The following FYN variants were observed in gnomAD, a reference collection of about 807,000 sequenced individuals.
FYN encodes FYN proto-oncogene, Src family tyrosine kinase, also known as tyrosine-protein kinase Fyn.
In FYN, 10 loss-of-function variants were observed where a neutral mutation model predicts 70.2. The observed-to-expected ratio is 0.14, with a 90% CI of 0.09 to 0.24. The LOEUF is 0.24. FYN is among the 10% of genes least tolerant of loss of function. The probability of loss-of-function intolerance (pLI) is 1.00; values close to 1 mark genes in which losing one functional copy is unlikely to be tolerated. For synonymous variants in FYN, 236 were observed against 248.6 expected, an observed-to-expected ratio of 0.95 and a Z score of 0.48; for missense variants, 319 against 673.1, an observed-to-expected ratio of 0.47 and a Z score of 5.82.
chr6:111,717,331 C>G (rs980099842), intron 4 of FYN, among the ~76,000 whole-genome samples: 7 of 152,094 alleles, frequency 4.6e-5, no homozygotes, highest in African/African-American at 1.7e-4. Flanking sequence ...TTTTAAGCTG[C>G]TAAGTTTTGT....
At chr6:111,826,901 A>C (rs995918620) in intron 2 of FYN, among the ~76,000 whole-genome samples, 2 of 152,184 alleles carry the variant, frequency 1.3e-5, no homozygotes, top group Non-Finnish European at 2.9e-5. Context: ...TAAAATCACA[A>C]ACCTACAGAG....
At chr6:111,838,753 C>A (rs886409740) in intron 2 of FYN, among the ~76,000 whole-genome samples, 1 of 152,222 alleles carries the variant, frequency 6.6e-6, no homozygotes, top group Non-Finnish European at 1.5e-5. Context: ...CAGATAAAAT[C>A]TTGCTTTCAA....
At chr6:111,678,008 C>G (rs893139141) in intron 12 of FYN, among the ~76,000 whole-genome samples, 18 of 152,006 alleles carry the variant, frequency 1.2e-4, no homozygotes, top group African/African-American at 4.1e-4. Context: ...TCCATGTTTA[C>G]ATGAATTCAA....
At chr6:111,735,592 AAGC>A (rs1436939961) in intron 3 of FYN, among the ~76,000 whole-genome samples, 1 of 152,224 alleles carries the variant, frequency 6.6e-6, no homozygotes, top group Non-Finnish European at 1.5e-5. Context: ...ATCCAGTATT[AAGC>A]AGGAGTGAAA....
chr6:111,814,765 A>G (rs1345418796), intron 2 of FYN, among the ~76,000 whole-genome samples: 1 of 152,252 alleles, frequency 6.6e-6, no homozygotes, highest in African/African-American at 2.4e-5. Context: ...AGATGGCAAT[A>G]AAATAAAAAT....
intron 1 of FYN, among the ~76,000 whole-genome samples, chr6:111,847,570 G>C (rs933025599): frequency 1.3e-5 from 2 of 152,050 alleles, no homozygotes; most frequent in African/African-American, 4.8e-5. Flanking sequence ...AGACTCTTAA[G>C]CTTTTCAATG....
chr6:111,673,162 C>A (rs1337109888), intron 13 of FYN, among the ~76,000 whole-genome samples: 2 of 152,166 alleles, frequency 1.3e-5, no homozygotes, highest in Non-Finnish European at 1.5e-5. Context: ...CTGAGACCCG[C>A]ACATTTCCCC....
chr6:111,750,788 G>T (rs1290638506), intron 3 of FYN, among the ~76,000 whole-genome samples: 1 of 150,850 alleles, frequency 6.6e-6, no homozygotes, highest in Non-Finnish European at 1.5e-5. Flanking sequence ...TGAAACAAAG[G>T]GCATGCGTTC....
At chr6:111,801,777 T>C (rs1429444000) in intron 2 of FYN, among the ~76,000 whole-genome samples, 1 of 152,228 alleles carries the variant, frequency 6.6e-6, no homozygotes, top group African/African-American at 2.4e-5. Flanking sequence ...GACATACATA[T>C]ATATGGGTGT....
chr6:111,700,993 A>AC (rs927650300), intron 8 of FYN, among the ~76,000 whole-genome samples: 2 of 152,108 alleles, frequency 1.3e-5, no homozygotes, highest in African/African-American at 4.8e-5. Flanking sequence ...AAAAAAAAAA[A>AC]AACAACTTTT....
chr6:111,720,338 T>G (rs1281787599), intron 3 of FYN, among the ~76,000 whole-genome samples: 6 of 152,122 alleles, frequency 3.9e-5, no homozygotes, highest in African/African-American at 1.4e-4. Flanking sequence ...GGCCTGTATC[T>G]CGTAAAATTC....
intron 3 of FYN, among the ~76,000 whole-genome samples, chr6:111,736,783 G>T (rs1275291471): frequency 6.6e-6 from 1 of 152,114 alleles, no homozygotes; most frequent in East Asian, 1.9e-4. Flanking sequence ...CGCACTAAAT[G>T]CACTCCCCTC....
intron 6 of FYN, among the ~76,000 whole-genome samples, chr6:111,705,797 T>C (rs706867): frequency 0.83 from 125,955 of 152,090 alleles, 53,022 homozygotes; most frequent in African/African-American, 0.96. Context: ...TGCAGTGAGC[T>C]GAGACAGGGC....
At chr6:111,710,555 T>G (rs1800321981) in intron 5 of FYN, among the ~76,000 whole-genome samples, 1 of 152,212 alleles carries the variant, frequency 6.6e-6, no homozygotes, top group African/African-American at 2.4e-5. Flanking sequence ...ATAAAATCCT[T>G]GATTTCTCTT....
At chr6:111,700,864 A>G (rs1799801419) in intron 8 of FYN, among the ~76,000 whole-genome samples, 1 of 152,244 alleles carries the variant, frequency 6.6e-6, no homozygotes, top group Non-Finnish European at 1.5e-5. Flanking sequence ...AGTAAGGTTG[A>G]AGATTATAAC....
chr6:111,821,767 A>G (rs1391940029), intron 2 of FYN, among the ~76,000 whole-genome samples: 1 of 152,170 alleles, frequency 6.6e-6, no homozygotes, highest in Non-Finnish European at 1.5e-5. Flanking sequence ...GAATCTACAA[A>G]GAACTCAAAC....
chr6:111,702,240 G>A (rs1344209652), intron 8 of FYN, among the ~76,000 whole-genome samples: 1 of 152,156 alleles, frequency 6.6e-6, no homozygotes, highest in Non-Finnish European at 1.5e-5. Flanking sequence ...TTGATAAAAT[G>A]TATAAACTGC....
At chr6:111,787,909 C>A (rs1056171523) in intron 2 of FYN, among the ~76,000 whole-genome samples, 1 of 152,190 alleles carries the variant, frequency 6.6e-6, no homozygotes, top group African/African-American at 2.4e-5. Flanking sequence ...GCTTTGCACT[C>A]AAAGCCATCC....
At chr6:111,782,910 G>A (rs1335134632) in intron 2 of FYN, among the ~76,000 whole-genome samples, 1 of 152,218 alleles carries the variant, frequency 6.6e-6, no homozygotes, top group Non-Finnish European at 1.5e-5. Flanking sequence ...AATAGACTGA[G>A]CAGTGAAATT....
Sources: allele counts gnomAD v4.1 joint callset (sites outside exome capture counted in the v4.1 genomes callset), GRCh38; gene constraint gnomAD v4.1.1; transcripts MANE v1.5; gene names NCBI Gene and HGNC (gene_info 2026-07-23, HGNC 2026-07-21).